EFR3A: variants seen among roughly 807,000 people sequenced by gnomAD.
The protein encoded by EFR3A is protein EFR3 homolog A.
A neutral mutation model predicts 104.4 loss-of-function variants in EFR3A; 76 were observed. The ratio of observed to expected loss-of-function variants is 0.73; its 90% confidence interval spans 0.60 to 0.88. EFR3A has a LOEUF of 0.88. Among genes scored for constraint, EFR3A ranks in the 40% least tolerant of loss-of-function variants. EFR3A has a pLI of 0.00. For missense variants in EFR3A, 985 were observed against 1,012.5 expected, an observed-to-expected ratio of 0.97 and a Z score of 0.37; for synonymous variants, 330 against 330.0, an observed-to-expected ratio of 1.00 and a Z score of 0.00.
chr8:131,955,570 A>G (rs1026808822), intron 6 of EFR3A, among the ~76,000 whole-genome samples, 198 bp from the exon 7 acceptor site: 24 of 152,194 alleles, frequency 1.6e-4, no homozygotes, highest in African/African-American at 5.5e-4. Flanking sequence ...TGCACAGCCA[A>G]GTTTATTTCT....
At chr8:132,006,380 T>C (rs1305669017) in intron 22 of EFR3A, among the ~76,000 whole-genome samples, 2 of 152,040 alleles carry the variant, frequency 1.3e-5, no homozygotes, top group Non-Finnish European at 2.9e-5. Flanking sequence ...TAAAAAAGAA[T>C]TATAGATAAT....
chr8:131,984,173 G>A lies in EFR3A; in HGVS notation c.1610G>A (p.Gly537Asp), dbSNP rs1820757178. ...GQQLYRHIYL[G>D]CKEEDNVQKN... ...CAGCTGTATCGGCACATATATTTGG[G>A]TTGTAAAGAGGAAGACAACGTTCAG... The change falls in exon 15 of 23, where the codon GGT becomes GAT. Residue 537 changes from glycine to aspartate, a missense_variant. Transcript: ENST00000254624. The A allele has an allele frequency of 6.2e-7, 1 of 1,611,960 alleles. No homozygotes were observed. Among genetic ancestry groups the A allele is most frequent in the Non-Finnish European group, 8.5e-7 (1 of 1,178,984 alleles).
At chr8:131,954,018 ATG>A in intron 6 of EFR3A, 51 bp downstream of exon 6, 1 of 1,413,804 alleles carries the variant, frequency 7.1e-7, no homozygotes. Context: ...ATATATATGT[ATG>A]TGTGTTTCCT....
intron 7 of EFR3A, among the ~76,000 whole-genome samples, chr8:131,959,121 A>G (rs1586604206): frequency 6.6e-6 from 1 of 152,204 alleles, no homozygotes; most frequent in East Asian, 1.9e-4. Context: ...GATAGTTACA[A>G]TAAAGCTGGT....
At chr8:131,927,329 A>G (rs1467812898) in intron 1 of EFR3A, among the ~76,000 whole-genome samples, 2 of 152,160 alleles carry the variant, frequency 1.3e-5, no homozygotes, top group African/African-American at 4.8e-5. Flanking sequence ...GTAGTGTGGC[A>G]GACAACATTG....
intron 1 of EFR3A, among the ~76,000 whole-genome samples, chr8:131,912,188 A>T (rs1816542860): frequency 6.6e-6 from 1 of 152,150 alleles, no homozygotes; most frequent in Non-Finnish European, 1.5e-5. Flanking sequence ...ATTCAGCTAG[A>T]TAATGGTGTG....
intron 2 of EFR3A, 42 bp from the exon 3 acceptor site, chr8:131,944,703 A>G (rs770205932): frequency 4.0e-6 from 6 of 1,503,538 alleles, no homozygotes; most frequent in African/African-American, 1.4e-5. Context: ...TATAATAAGC[A>G]TGAAAATATA....
chr8:131,948,855 A>G (rs1253944272), intron 4 of EFR3A, among the ~76,000 whole-genome samples: 1 of 152,128 alleles, frequency 6.6e-6, no homozygotes, highest in Non-Finnish European at 1.5e-5. Context: ...GTTGTCAAAC[A>G]TGACCAGTGC....
intron 14 of EFR3A, among the ~76,000 whole-genome samples, chr8:131,981,187 A>G (rs1436737777): frequency 6.6e-6 from 1 of 152,020 alleles, no homozygotes; most frequent in Non-Finnish European, 1.5e-5. Context: ...GACTTTATGC[A>G]ATGACATTAA....
chr8:131,938,620 C>G (rs959543641), intron 1 of EFR3A, among the ~76,000 whole-genome samples: 1 of 152,044 alleles, frequency 6.6e-6, no homozygotes, highest in African/African-American at 2.4e-5. Context: ...CAATGCATCC[C>G]TCATCTGTTA....
In EFR3A at chr8:131,944,891, G is replaced by A; in HGVS notation, c.215+19G>A. On this transcript the variant is annotated intron_variant, in intron 3 of 22. Transcript: ENST00000254624. The stretch of plus-strand genomic sequence containing the variant: ...GTTCTGGGTAAGGAAACTAATGGCT[G>A]CTAAAATAGTATCTTTGGAAAATTC... The A allele has an allele frequency of 6.3e-7, 1 of 1,598,168 alleles. No homozygotes were observed. The highest frequency in any genetic ancestry group is 8.5e-7 in the Non-Finnish European group (1 of 1,174,980).
chr8:132,002,741 A>C, intron 21 of EFR3A, 35 bp downstream of exon 21: 1 of 1,553,030 alleles, frequency 6.4e-7, no homozygotes, highest in South Asian at 1.1e-5. Context: ...TTGTGGGTGG[A>C]CTGTTGTTTT....
rs1820968065 is a variant in EFR3A at position 131,987,804 on chromosome 8, C to A, written c.2065+102C>A. On this transcript the variant is annotated intron_variant, in intron 18 of 22. Transcript: ENST00000254624. ...ATGAAAATTAATTCTGGTGTGTGTC[C>A]TTACTATAGCCCAGCCATTTTCAAA... 57 of 1,250,722 alleles carry A rather than the reference C, an allele frequency of 4.6e-5. No individual in the cohort carries two copies. The South Asian group carries it at 7.8e-4, about 17-fold the overall frequency. The allele number at this position is 1,250,722 out of a possible 1,614,324, so 77.5% of individuals were successfully genotyped here. A position where few individuals can be genotyped will look rare whatever the true frequency, so the allele number is the denominator to read the frequency against.
chr8:132,006,340 A>G (rs2130815602), intron 22 of EFR3A, among the ~76,000 whole-genome samples: 1 of 152,258 alleles, frequency 6.6e-6, no homozygotes, highest in South Asian at 2.1e-4. Flanking sequence ...GAAGAAAAAG[A>G]GAGAAAACAC....
rs28627763 is a variant in EFR3A at position 131,904,212 on chromosome 8, T to C, written c.-101T>C. 0.38 allele frequency: 467,925 copies of C among 1,225,134 alleles called. 91,657 individuals carry two copies. Among genetic ancestry groups the C allele is most frequent in the East Asian group, 0.65 (20,216 of 31,108 alleles). 75.9% of individuals were successfully genotyped at this position (1,225,134 alleles called of 1,614,324 possible). A position where few individuals can be genotyped will look rare whatever the true frequency, so the allele number is the denominator to read the frequency against. On this transcript the variant is annotated 5_prime_UTR_variant, in exon 1 of 23. Coordinates refer to ENST00000254624, the MANE Select transcript of EFR3A (RefSeq NM_015137.6). ...CTTCGCCCTTCGCCCTTCGCCTCGT[T>C]CCGGCCTCCGCGGCCCAGCAACGGC...
chr8:131,996,470 A>G lies in EFR3A; in HGVS notation c.2130A>G (p.Leu710=). 6.2e-7 allele frequency: 1 copy of G among 1,601,710 alleles called. No individual in the cohort carries two copies. The highest frequency in any genetic ancestry group is 8.5e-7 in the Non-Finnish European group (1 of 1,174,820). The change falls in exon 19 of 23, where the codon TTA becomes TTG. Residue 710 remains leucine (L), a synonymous_variant. Transcript: ENST00000254624. The part of the protein sequence containing the change: ...VDTVSIQVDI[L]SNNVPSDDVV... ...CCGTATCCATTCAGGTGGATATTTT[A>G]TCCAACAATGTTCCTTCTGATGATG...
intron 17 of EFR3A, 23 bp from the exon 18 acceptor site, chr8:131,987,552 T>A: frequency 6.3e-7 from 1 of 1,576,100 alleles, no homozygotes; most frequent in Non-Finnish European, 8.6e-7. Flanking sequence ...ACTGAATGAT[T>A]GTTGTTTTGA....
chr8:131,919,335 T>A (rs564869086), intron 1 of EFR3A, among the ~76,000 whole-genome samples: 1 of 152,238 alleles, frequency 6.6e-6, no homozygotes, highest in East Asian at 1.9e-4. Flanking sequence ...CAGTGGCTCA[T>A]GCCTGTAATC....
chr8:131,938,676 A>T (rs972491936), intron 1 of EFR3A, among the ~76,000 whole-genome samples: 1 of 152,168 alleles, frequency 6.6e-6, no homozygotes, highest in Non-Finnish European at 1.5e-5. Context: ...TGATTTATAG[A>T]AAGCTAAAAT....
Sources: allele counts gnomAD v4.1 joint callset (sites outside exome capture counted in the v4.1 genomes callset), GRCh38; gene constraint gnomAD v4.1.1; transcripts MANE v1.5; gene names NCBI Gene and HGNC (gene_info 2026-07-23, HGNC 2026-07-21).